LRP1B: variants seen among roughly 807,000 people sequenced by gnomAD.
LRP1B encodes the protein LDL receptor related protein 1B, also known as low-density lipoprotein receptor-related protein 1B.
A neutral mutation model predicts 556.6 loss-of-function variants in LRP1B; 217 were observed. The observed-to-expected ratio is 0.39, with a 90% confidence interval of 0.35 to 0.44. The LOEUF is 0.44. Among genes scored for constraint, LRP1B ranks in the 20% least tolerant of loss-of-function variants. The pLI, the probability that LRP1B is intolerant of heterozygous loss-of-function variation, is 1.00. For missense variants in LRP1B, 5,053 were observed against 5,620.8 expected (o/e 0.90, Z 3.23); for synonymous variants, 2,047 against 1,865.8 (o/e 1.10, Z -2.50).
At chr2:141,416,715 A>C (rs141975550) in intron 3 of LRP1B, among the ~76,000 whole-genome samples, 1 of 152,138 alleles carries the variant, frequency 6.6e-6, no homozygotes, top group African/African-American at 2.4e-5. Flanking sequence ...TTGGCCTCCC[A>C]AAGTAGACAG....
chr2:142,035,115 C>A (rs1703834424), intron 1 of LRP1B, among the ~76,000 whole-genome samples: 1 of 151,370 alleles, frequency 6.6e-6, no homozygotes, highest in Admixed American at 6.6e-5. Flanking sequence ...TTCAACATTT[C>A]TTTTTTTTAA....
intron 1 of LRP1B, among the ~76,000 whole-genome samples, chr2:142,123,174 A>G (rs1707517952): frequency 6.6e-6 from 1 of 152,082 alleles, no homozygotes; most frequent in Admixed American, 6.6e-5. Context: ...AAGATATGCT[A>G]GGAACACACA....
chr2:140,408,342 T>A (rs545295710), intron 66 of LRP1B, among the ~76,000 whole-genome samples: 2 of 151,928 alleles, frequency 1.3e-5, no homozygotes, highest in East Asian at 1.9e-4. Flanking sequence ...AAAACTAATT[T>A]AAAAAAATTA....
intron 2 of LRP1B, among the ~76,000 whole-genome samples, chr2:141,529,272 A>G (rs1684793388): frequency 6.6e-6 from 1 of 152,222 alleles, no homozygotes; most frequent in Non-Finnish European, 1.5e-5. Flanking sequence ...AAATGGTTTC[A>G]AGAAAGTCTG....
intron 2 of LRP1B, among the ~76,000 whole-genome samples, chr2:141,539,748 T>C (rs906081626): frequency 2.0e-5 from 3 of 152,172 alleles, no homozygotes; most frequent in Admixed American, 6.6e-5. Context: ...CCATAGATTA[T>C]AGAAAAGTAA....
At chr2:141,677,656 A>C (rs567884671) in intron 2 of LRP1B, among the ~76,000 whole-genome samples, 9 of 151,954 alleles carry the variant, frequency 5.9e-5, no homozygotes, top group African/African-American at 2.2e-4. Flanking sequence ...TGCCCCGTTA[A>C]TTTTGTATTT....
chr2:140,937,357 AT>A (rs1238343736), intron 20 of LRP1B, among the ~76,000 whole-genome samples: 1 of 152,138 alleles, frequency 6.6e-6, no homozygotes, highest in Non-Finnish European at 1.5e-5. Flanking sequence ...ACAAAAACAA[AT>A]ACTGTAGGAT....
At chr2:141,458,800 TACA>T (rs1423648662) in intron 3 of LRP1B, among the ~76,000 whole-genome samples, 1 of 152,198 alleles carries the variant, frequency 6.6e-6, no homozygotes, top group Non-Finnish European at 1.5e-5. Flanking sequence ...ACAGTAATTC[TACA>T]ACATCAGTCC....
chr2:140,776,773 C>A (rs1396452365), intron 32 of LRP1B, among the ~76,000 whole-genome samples: 2 of 152,030 alleles, frequency 1.3e-5, no homozygotes, highest in Admixed American at 1.3e-4. Context: ...TTCTCTATTT[C>A]TTCTAGTGAC....
At chr2:141,881,975 T>C (rs1574459681) in intron 1 of LRP1B, among the ~76,000 whole-genome samples, 1 of 152,162 alleles carries the variant, frequency 6.6e-6, no homozygotes, top group Non-Finnish European at 1.5e-5. Flanking sequence ...CAGGCTAGTC[T>C]GGAGCATCTG....
chr2:140,335,137 C>G (rs916486698), intron 78 of LRP1B, among the ~76,000 whole-genome samples: 1 of 151,668 alleles, frequency 6.6e-6, no homozygotes, highest in African/African-American at 2.4e-5. Context: ...ACATCTCTAA[C>G]TAAAAGAAGG....
At chr2:141,449,108 C>T (rs749049361) in intron 3 of LRP1B, among the ~76,000 whole-genome samples, 4 of 152,172 alleles carry the variant, frequency 2.6e-5, no homozygotes, top group African/African-American at 7.2e-5. Context: ...ACTGCCATTA[C>T]CTTTTTTGTT....
chr2:141,888,158 T>C (rs189924889), intron 1 of LRP1B, among the ~76,000 whole-genome samples: 12 of 152,324 alleles, frequency 7.9e-5, no homozygotes, highest in African/African-American at 2.9e-4. Flanking sequence ...AATGTTCACC[T>C]AATTTACTCT....
chr2:140,733,539 G>C (rs1448215417), intron 35 of LRP1B, among the ~76,000 whole-genome samples: 4 of 152,072 alleles, frequency 2.6e-5, no homozygotes, highest in African/African-American at 9.7e-5. Flanking sequence ...CCACAAAGGC[G>C]CACCCTACTA....
At chr2:140,426,109 A>G (rs1031081845) in intron 66 of LRP1B, among the ~76,000 whole-genome samples, 1 of 152,224 alleles carries the variant, frequency 6.6e-6, no homozygotes, top group East Asian at 1.9e-4. Flanking sequence ...CTGAAATGTT[A>G]AAGTGCTTGA....
chr2:140,385,531 G>T (rs1683721500), intron 67 of LRP1B, among the ~76,000 whole-genome samples: 1 of 152,114 alleles, frequency 6.6e-6, no homozygotes, highest in South Asian at 2.1e-4. Flanking sequence ...AGACTGAAAT[G>T]AAATGAATAC....
At chr2:140,704,364 A>G (rs1038523415) in intron 37 of LRP1B, among the ~76,000 whole-genome samples, 9 of 152,248 alleles carry the variant, frequency 5.9e-5, no homozygotes, top group African/African-American at 1.9e-4. Context: ...TAAAATAAAC[A>G]TTGTAGAGTT....
At chr2:141,208,850 T>G (rs1298485452) in intron 6 of LRP1B, among the ~76,000 whole-genome samples, 2 of 99,158 alleles carry the variant, frequency 2.0e-5, no homozygotes, top group African/African-American at 4.1e-5. Context: ...ACCTGGGCAA[T>G]AAAGCGAGAT....
chr2:140,247,946 A>G (rs1681240082), intron 86 of LRP1B, among the ~76,000 whole-genome samples: 1 of 151,672 alleles, frequency 6.6e-6, no homozygotes, highest in Non-Finnish European at 1.5e-5. Flanking sequence ...GTCACAGGAA[A>G]TCCACAGAGA....
Sources: gnomAD v4.1 joint callset for allele counts (sites outside exome capture counted in the v4.1 genomes callset) on GRCh38, gnomAD v4.1.1 for gene constraint, MANE v1.5 for transcripts, NCBI Gene and HGNC (gene_info 2026-07-23, HGNC 2026-07-21) for gene names.